The following VWC2L variants were observed in gnomAD, a reference collection of about 807,000 sequenced individuals.
The protein encoded by VWC2L is von Willebrand factor C domain-containing protein 2-like.
VWC2L carries 10 observed loss-of-function variants against 21.6 expected under a neutral mutation model. That is an observed-to-expected ratio of 0.46 (90% CI 0.29 to 0.78). The LOEUF is 0.78. Among genes scored for constraint, VWC2L ranks in the 30% least tolerant of loss-of-function variants. VWC2L has a pLI of 0.10. For missense variants in VWC2L, 209 were observed against 277.1 expected (o/e 0.75, Z 1.74); for synonymous variants, 96 against 94.3 (o/e 1.02, Z -0.10).
chr2:214,417,684 G>A (rs1030444774), intron 2 of VWC2L, among the ~76,000 whole-genome samples: 5 of 152,104 alleles, frequency 3.3e-5, no homozygotes, highest in African/African-American at 9.7e-5. Flanking sequence ...GATATGTGTC[G>A]GTGGAGAGTG....
chr2:214,556,340 A>G (rs541994245), intron 3 of VWC2L, among the ~76,000 whole-genome samples: 1 of 152,358 alleles, frequency 6.6e-6, no homozygotes, highest in African/African-American at 2.4e-5. Context: ...TTTCTGGCTT[A>G]AATTGCATTA....
At chr2:214,551,046 AG>A (rs934158519) in intron 3 of VWC2L, among the ~76,000 whole-genome samples, 4 of 152,186 alleles carry the variant, frequency 2.6e-5, no homozygotes, top group African/African-American at 9.6e-5. Flanking sequence ...TTAGCAGAAC[AG>A]CTCCTTCTAT....
intron 3 of VWC2L, among the ~76,000 whole-genome samples, chr2:214,457,602 T>C (rs1703075141): frequency 1.3e-5 from 2 of 152,108 alleles, no homozygotes; most frequent in South Asian, 2.1e-4. Context: ...CTTCTTCCCA[T>C]TCATTATAAT....
intron 3 of VWC2L, among the ~76,000 whole-genome samples, chr2:214,442,479 T>C (rs1477312621): frequency 6.6e-6 from 1 of 152,158 alleles, no homozygotes; most frequent in Non-Finnish European, 1.5e-5. Flanking sequence ...AAACCCCTTT[T>C]TATTTTTGCA....
At position 214,414,257 on chromosome 2, in the gene VWC2L, G is replaced by C. The variant is rs1702321176; in HGVS notation, c.64G>C (p.Ala22Pro). The part of the protein sequence containing the change: ...LLVIPGLVTS[A>P]AISHEDYPAD... ...GGTCATCCCTGGATTGGTCACCTCT[G>C]CTGCTATCAGTCATGAAGACTATCC... Residue 22 changes from alanine to proline, a missense_variant, in exon 2 of 4, where the codon GCT becomes CCT. Transcript: ENST00000312504. 1 of 1,613,782 alleles carries C rather than the reference G, an allele frequency of 6.2e-7. No individual in the cohort carries two copies. The highest frequency in any genetic ancestry group is 8.5e-7 in the Non-Finnish European group (1 of 1,179,798).
chr2:214,575,903 AAC>A lies in VWC2L; in HGVS notation c.*85_*86del. The A allele has an allele frequency of 6.8e-7, 1 of 1,461,614 alleles. No individual in the cohort carries two copies. Among genetic ancestry groups the A allele is most frequent in the East Asian group, 2.3e-5 (1 of 42,578 alleles). The allele number at this position is 1,461,614 out of a possible 1,614,324, so 90.5% of individuals were successfully genotyped here. On this transcript the variant is annotated 3_prime_UTR_variant, in exon 4 of 4. Transcript: ENST00000312504. ...CACATGTTTAACACAAAACAAAACA[AAC>A]AAACTCCTGCCAGCTACAACAGGGT...
At chr2:214,470,671 G>C (rs185436066) in intron 3 of VWC2L, among the ~76,000 whole-genome samples, 14 of 152,162 alleles carry the variant, frequency 9.2e-5, no homozygotes, top group Non-Finnish European at 1.6e-4. Context: ...CACTTTGGGA[G>C]GTTGAGGCAG....
intron 1 of VWC2L, 40 bp from the exon 2 acceptor site, chr2:214,414,074 T>C: frequency 8.7e-7 from 1 of 1,145,204 alleles, no homozygotes; most frequent in Non-Finnish European, 1.2e-6. Flanking sequence ...ATCTTCACTT[T>C]ATATATGTCA....
intron 2 of VWC2L, chr2:214,436,377 A>G: frequency 2.7e-6 from 1 of 375,916 alleles, no homozygotes; most frequent in Non-Finnish European, 5.0e-6. Context: ...GGAAAGTAGG[A>G]ACATAAGATA....
chr2:214,520,105 T>C (rs1040878292), intron 3 of VWC2L, among the ~76,000 whole-genome samples: 1 of 138,696 alleles, frequency 7.2e-6, no homozygotes, highest in African/African-American at 2.6e-5. Flanking sequence ...GTAGATGTCT[T>C]GTGTTTACAT....
chr2:214,458,409 G>GT (rs1033586001), intron 3 of VWC2L, among the ~76,000 whole-genome samples: 2 of 151,804 alleles, frequency 1.3e-5, no homozygotes, highest in Non-Finnish European at 2.9e-5. Flanking sequence ...CTATGTTGAT[G>GT]TTTTTTAGCT....
At chr2:214,429,433 A>G (rs1422281247) in intron 2 of VWC2L, among the ~76,000 whole-genome samples, 1 of 152,102 alleles carries the variant, frequency 6.6e-6, no homozygotes, top group African/African-American at 2.4e-5. Flanking sequence ...TAAATCCTCA[A>G]GTTTTTGTCT....
chr2:214,454,594 T>A (rs140415943), intron 3 of VWC2L, among the ~76,000 whole-genome samples: 144 of 129,780 alleles, frequency 1.1e-3, no homozygotes, highest in African/African-American at 4.1e-3. Flanking sequence ...CATTGATTGA[T>A]TTTCTTTTTT....
At chr2:214,505,124 G>A (rs561904536) in intron 3 of VWC2L, among the ~76,000 whole-genome samples, 55 of 152,238 alleles carry the variant, frequency 3.6e-4, no homozygotes, top group African/African-American at 1.2e-3. Flanking sequence ...CTGTGTTCTC[G>A]TTTCCTATTT....
chr2:214,540,415 G>C (rs1416967951), intron 3 of VWC2L, among the ~76,000 whole-genome samples: 1 of 152,122 alleles, frequency 6.6e-6, no homozygotes, highest in East Asian at 1.9e-4. Context: ...CTAGACCCTG[G>C]AAATATGATG....
chr2:214,457,330 G>A (rs1034871381), intron 3 of VWC2L, among the ~76,000 whole-genome samples: 13 of 151,996 alleles, frequency 8.6e-5, no homozygotes, highest in African/African-American at 2.9e-4. Context: ...CTCATTGTTG[G>A]TGTATAGAAA....
At chr2:214,494,136 C>G (rs1262918475) in intron 3 of VWC2L, among the ~76,000 whole-genome samples, 1 of 152,090 alleles carries the variant, frequency 6.6e-6, no homozygotes, top group Non-Finnish European at 1.5e-5. Context: ...CCACTGTATC[C>G]TCATCTACTA....
At chr2:214,452,007 G>A (rs1422185169) in intron 3 of VWC2L, among the ~76,000 whole-genome samples, 3 of 152,060 alleles carry the variant, frequency 2.0e-5, no homozygotes, top group Non-Finnish European at 4.4e-5. Context: ...TTCCTTTATA[G>A]TTCTTCCCTC....
At chr2:214,411,985 T>C (rs1039494931) in intron 1 of VWC2L, among the ~76,000 whole-genome samples, 199 bp downstream of exon 1, 7 of 152,096 alleles carry the variant, frequency 4.6e-5, no homozygotes, top group African/African-American at 1.7e-4. Context: ...TTCTCTTAAA[T>C]AGTATCTTAA....
Sources: gnomAD v4.1 joint callset for allele counts (sites outside exome capture counted in the v4.1 genomes callset) on GRCh38, gnomAD v4.1.1 for gene constraint, MANE v1.5 for transcripts, NCBI Gene and HGNC (gene_info 2026-07-23, HGNC 2026-07-21) for gene names.